NNAT: variants seen among roughly 807,000 people sequenced by gnomAD.
NNAT encodes neuronatin.
A neutral mutation model predicts 12.7 loss-of-function variants in NNAT; 8 were observed. The observed-to-expected ratio is 0.63, with a 90% CI of 0.37 to 1.14. The LOEUF (loss-of-function observed/expected upper bound fraction) is 1.14. NNAT is among the 50% of genes most tolerant of loss of function. The pLI is 0.01. For missense variants in NNAT, 94 were observed against 108.3 expected (o/e 0.87, Z 0.59); for synonymous variants, 52 against 48.5 (o/e 1.07, Z -0.30).
chr20:37,522,598 G>GGGGC, intron 2 of NNAT, 69 bp from the exon 3 acceptor site: 3 of 864,464 alleles, frequency 3.5e-6, no homozygotes, highest in Non-Finnish European at 5.1e-6. Flanking sequence ...GCGGGGGTGG[G>GGGGC]CACGGCAGCA....
chr20:37,522,541 C>G (rs2071621021), intron 2 of NNAT, 103 bp downstream of exon 2: 1 of 1,388,752 alleles, frequency 7.2e-7, no homozygotes, highest in Non-Finnish European at 9.9e-7. Context: ...GCGCCCGCGC[C>G]CGCCTCTCCA....
In NNAT at chr20:37,521,706, C is replaced by T; in HGVS notation, c.72+303C>T. 1 of 363,048 alleles carries T rather than the reference C, an allele frequency of 2.8e-6. No individual in the cohort carries two copies. Among genetic ancestry groups the T allele is most frequent in the Non-Finnish European group, 5.1e-6 (1 of 195,986 alleles). 22.5% of individuals were successfully genotyped at this position (363,048 alleles called of 1,614,324 possible). ...CCTACGCGGTAAGAAAAACCCGCTACACCCGGACTCGACCCCAGGAGGGAG... is the reference window on the plus strand; with the variant it reads ...CCTACGCGGTAAGAAAAACCCGCTATACCCGGACTCGACCCCAGGAGGGAG... On this transcript the variant is annotated intron_variant, in intron 1 of 2. Coordinates refer to ENST00000649451, the MANE Select transcript of NNAT (RefSeq NM_005386.4). This position sits in a 1 kb window ranked among gnomAD's most constrained non-coding sequence, Gnocchi z 4.5.
In NNAT at chr20:37,521,938, A is replaced by G. The variant is rs2071592035; in HGVS notation, c.73-420A>G. Among the ~76,000 whole-genome samples, 1 of 151,770 alleles carries G rather than the reference A, an allele frequency of 6.6e-6. No homozygotes were observed. Among genetic ancestry groups the G allele is most frequent in the South Asian group, 2.1e-4 (1 of 4,834 alleles). On this transcript the variant is annotated intron_variant, in intron 1 of 2. Coordinates refer to ENST00000649451, the MANE Select transcript of NNAT (RefSeq NM_005386.4). This position sits in a 1 kb window ranked among gnomAD's most constrained non-coding sequence, Gnocchi z 4.5. The stretch of plus-strand genomic sequence containing the variant: ...AAAAACCCTACAACGAATTAGAGAA[A>G]AAGTAGTTCACAGGAAAACAGAAAA...
At chr20:37,522,582 G>A in intron 2 of NNAT, 85 bp from the exon 3 acceptor site, 1 of 1,410,366 alleles carries the variant, frequency 7.1e-7, no homozygotes, top group South Asian at 1.3e-5. Context: ...CGGGGCAGGG[G>A]GTGGGGCGGG....
chr20:37,522,598 G>GGGCCC, intron 2 of NNAT, 69 bp from the exon 3 acceptor site: 1 of 864,390 alleles, frequency 1.2e-6, no homozygotes, highest in Non-Finnish European at 1.7e-6. Flanking sequence ...GCGGGGGTGG[G>GGGCCC]CACGGCAGCA....
chr20:37,521,259 A>C lies in NNAT; in HGVS notation c.-73A>C. The C allele has an allele frequency of 6.6e-7, 1 of 1,523,680 alleles. No individual in the cohort carries two copies. The highest frequency in any genetic ancestry group is 9.1e-7 in the Non-Finnish European group (1 of 1,098,592). 94.4% of individuals were successfully genotyped at this position (1,523,680 alleles called of 1,614,324 possible). On this transcript the variant is annotated 5_prime_UTR_variant, in exon 1 of 3. Coordinates refer to ENST00000649451, the MANE Select transcript of NNAT (RefSeq NM_005386.4). The surrounding 1 kb of genome is among the most constrained non-coding windows in gnomAD (Gnocchi z 4.5). The stretch of plus-strand genomic sequence containing the variant: ...CCACCGCGGCTGCGGCAGTGCGCCC[A>C]ACAGCGGACTCCGAGACCAGCGGAT...
chr20:37,521,259 A>G lies in NNAT; in HGVS notation c.-73A>G. On this transcript the variant is annotated 5_prime_UTR_variant, in exon 1 of 3. Transcript: ENST00000649451. This position sits in a 1 kb window ranked among gnomAD's most constrained non-coding sequence, Gnocchi z 4.5. Reference sequence around the variant, plus strand: ...CCACCGCGGCTGCGGCAGTGCGCCCAACAGCGGACTCCGAGACCAGCGGAT... The same window carrying G: ...CCACCGCGGCTGCGGCAGTGCGCCCGACAGCGGACTCCGAGACCAGCGGAT... 1 of 1,523,680 alleles carries G rather than the reference A, an allele frequency of 6.6e-7. No individual in the cohort carries two copies. Among genetic ancestry groups the G allele is most frequent in the Non-Finnish European group, 9.1e-7 (1 of 1,098,592 alleles). 94.4% of individuals were successfully genotyped at this position (1,523,680 alleles called of 1,614,324 possible). A position where few individuals can be genotyped will look rare whatever the true frequency, so the allele number is the denominator to read the frequency against.
chr20:37,521,252 T>C lies in NNAT; in HGVS notation c.-80T>C. 2.7e-6 allele frequency: 4 copies of C among 1,464,052 alleles called. No individual in the cohort carries two copies. The highest frequency in any genetic ancestry group is 3.8e-6 in the Non-Finnish European group (4 of 1,045,222). 90.7% of individuals were successfully genotyped at this position (1,464,052 alleles called of 1,614,324 possible). On this transcript the variant is annotated 5_prime_UTR_variant, in exon 1 of 3. Transcript: ENST00000649451. The surrounding 1 kb of genome is among the most constrained non-coding windows in gnomAD (Gnocchi z 4.5). The stretch of plus-strand genomic sequence containing the variant: ...GGCGCGGCCACCGCGGCTGCGGCAG[T>C]GCGCCCAACAGCGGACTCCGAGACC...
chr20:37,521,698 A>C lies in NNAT; in HGVS notation c.72+295A>C. ...TTTAGCGACCTACGCGGTAAGAAAA[A>C]CCCGCTACACCCGGACTCGACCCCA... is the stretch of plus-strand genomic sequence containing the variant. On this transcript the variant is annotated intron_variant, in intron 1 of 2. Coordinates refer to ENST00000649451, the MANE Select transcript of NNAT (RefSeq NM_005386.4). This position sits in a 1 kb window ranked among gnomAD's most constrained non-coding sequence, Gnocchi z 4.5. The C allele has an allele frequency of 2.7e-6, 1 of 366,016 alleles. No individual in the cohort carries two copies. The highest frequency in any genetic ancestry group is 4.4e-5 in the Admixed American group (1 of 22,670). The allele number at this position is 366,016 out of a possible 1,614,324, so 22.7% of individuals were successfully genotyped here. A position where few individuals can be genotyped will look rare whatever the true frequency, so the allele number is the denominator to read the frequency against.
chr20:37,521,456 A>T lies in NNAT; in HGVS notation c.72+53A>T. The stretch of plus-strand genomic sequence containing the variant: ...GAGGGTTCCCAACTCGCGCCCCTAG[A>T]ACCCGCAAGACTGCGTCGCGATTGC... On this transcript the variant is annotated intron_variant, in intron 1 of 2. Transcript: ENST00000649451. This position sits in a 1 kb window ranked among gnomAD's most constrained non-coding sequence, Gnocchi z 4.5. 6.4e-7 allele frequency: 1 copy of T among 1,553,058 alleles called. No individual in the cohort carries two copies. Among genetic ancestry groups the T allele is most frequent in the Admixed American group, 1.7e-5 (1 of 59,934 alleles).
Position 37,521,380 on chromosome 20 carries a change from T to C in NNAT, c.49T>C (p.Tyr17His). ...GGCTGAACTGCTCATCATCGGCTGG[T>C]ACATCTTCCGCGTGCTGCTGCAGGT... ...ASAELLIIGW[Y>H]IFRVLLQVFL... Residue 17 changes from tyrosine (Y) to histidine (H), a missense_variant, in exon 1 of 3, where the codon TAC (tyrosine) becomes CAC (histidine). By Grantham distance (83) the Tyr-to-His change is moderately conservative (BLOSUM62 2). Transcript: ENST00000649451. This position sits in a 1 kb window ranked among gnomAD's most constrained non-coding sequence, Gnocchi z 4.5. 6.2e-7 allele frequency: 1 copy of C among 1,613,046 alleles called. No homozygotes were observed. Among genetic ancestry groups the C allele is most frequent in the African/African-American group, 1.3e-5 (1 of 75,016 alleles).
chr20:37,522,479 A>G, intron 2 of NNAT, 41 bp downstream of exon 2: 1 of 1,575,620 alleles, frequency 6.3e-7, no homozygotes, highest in Non-Finnish European at 8.7e-7. Context: ...GCCGCCATGC[A>G]GCTCTCAGCA....
Position 37,522,502 on chromosome 20 carries a change from C to G in NNAT, c.153+64C>G. ...GCAGCTCTCAGCACAGTTGGAAAAG[C>G]TCCAGCTGCCCTGACTCGTGGACAA... is the stretch of plus-strand genomic sequence containing the variant. On this transcript the variant is annotated intron_variant, in intron 2 of 2. Transcript: ENST00000649451. 5 of 1,527,540 alleles carry G rather than the reference C, an allele frequency of 3.3e-6. No individual in the cohort carries two copies. The South Asian group carries it at 5.6e-5, about 17-fold the overall frequency. The allele number at this position is 1,527,540 out of a possible 1,614,324, so 94.6% of individuals were successfully genotyped here. A position where few individuals can be genotyped will look rare whatever the true frequency, so the allele number is the denominator to read the frequency against.
Position 37,521,415 on chromosome 20 carries a change from G to C in NNAT, c.72+12G>C. 3 of 1,613,918 alleles carry C rather than the reference G, an allele frequency of 1.9e-6. No individual in the cohort carries two copies. The highest frequency in any genetic ancestry group is 2.5e-6 in the Non-Finnish European group (3 of 1,179,810). ...GCGTGCTGCTGCAGGTAAGTCTGACGGGGTTTCGGGTGGGAGAGGGTTCCC... is the reference window on the plus strand; with the variant it reads ...GCGTGCTGCTGCAGGTAAGTCTGACCGGGTTTCGGGTGGGAGAGGGTTCCC... On this transcript the variant is annotated intron_variant, in intron 1 of 2. Coordinates refer to ENST00000649451, the MANE Select transcript of NNAT (RefSeq NM_005386.4). The surrounding 1 kb of genome is among the most constrained non-coding windows in gnomAD (Gnocchi z 4.5).
Position 37,523,656 on chromosome 20 carries a change from C to T in NNAT, c.*897C>T, listed in dbSNP as rs1343210776. ...TACCTCCCCTGTCTCGCACAGTGTC[C>T]CAGGACCCTGCGGTGCAGTAGAGGC... On this transcript the variant is annotated 3_prime_UTR_variant, in exon 3 of 3. Transcript: ENST00000649451. 6.5e-6 allele frequency: 1 copy of T among 152,694 alleles called. No individual in the cohort carries two copies. The highest frequency in any genetic ancestry group is 1.5e-5 in the Non-Finnish European group (1 of 68,098). The allele number at this position is 152,694 out of a possible 1,614,324, so 9.5% of individuals were successfully genotyped here.
chr20:37,522,598 G>GGGGGGCCCC, intron 2 of NNAT, 69 bp from the exon 3 acceptor site: 2 of 864,342 alleles, frequency 2.3e-6, no homozygotes, highest in Non-Finnish European at 3.4e-6. Flanking sequence ...GCGGGGGTGG[G>GGGGGGCCCC]CACGGCAGCA....
rs2147192042 is a variant in NNAT, at chr20:37,522,881, T to G, written c.*122T>G. The stretch of plus-strand genomic sequence containing the variant: ...CTGTGTTCCCTCGCCAGAGGAGCAC[T>G]TGGCAAGGTCAGTGAGGGGCCAGTA... On this transcript the variant is annotated 3_prime_UTR_variant, in exon 3 of 3. Coordinates refer to ENST00000649451, the MANE Select transcript of NNAT (RefSeq NM_005386.4). The G allele has an allele frequency of 1.2e-6, 1 of 846,232 alleles. No individual in the cohort carries two copies. Among genetic ancestry groups the G allele is most frequent in the East Asian group, 2.7e-5 (1 of 36,400 alleles). 52.4% of individuals were successfully genotyped at this position (846,232 alleles called of 1,614,324 possible). A position where few individuals can be genotyped will look rare whatever the true frequency, so the allele number is the denominator to read the frequency against.
chr20:37,522,507 G>A (rs2071619502), intron 2 of NNAT, 69 bp downstream of exon 2: 1 of 1,522,086 alleles, frequency 6.6e-7, no homozygotes, highest in South Asian at 1.1e-5. Context: ...AAAAGCTCCA[G>A]CTGCCCTGAC....
In NNAT at chr20:37,521,565, T is replaced by G; in HGVS notation, c.72+162T>G. 34 of 679,232 alleles carry G rather than the reference T, an allele frequency of 5.0e-5. No homozygotes were observed. Among genetic ancestry groups the G allele is most frequent in the Non-Finnish European group, 6.9e-5 (27 of 392,154 alleles). The allele number at this position is 679,232 out of a possible 1,614,324, so 42.1% of individuals were successfully genotyped here. ...GCCGGCACCGCGCGCCCCCTGCCCA[T>G]TCCCTGCGCCGTCCTCCTCGCGCTG... On this transcript the variant is annotated intron_variant, in intron 1 of 2. Transcript: ENST00000649451. The surrounding 1 kb of genome is among the most constrained non-coding windows in gnomAD (Gnocchi z 4.5).
Sources: allele counts gnomAD v4.1 joint callset (sites outside exome capture counted in the v4.1 genomes callset), GRCh38; gene constraint gnomAD v4.1.1; non-coding constraint Gnocchi (gnomAD v3.1); transcripts MANE v1.5; gene names NCBI Gene and HGNC (gene_info 2026-07-23, HGNC 2026-07-21).